Variants in LPGAT1 observed in about 807,000 individuals in gnomAD.
LPGAT1 encodes the protein acyl-CoA:lysophosphatidylglycerol acyltransferase 1.
LPGAT1 carries 11 observed loss-of-function variants against 47.5 expected under a neutral mutation model. That is an observed-to-expected ratio of 0.23 (90% CI 0.15 to 0.38). The LOEUF is 0.38. Ranked by LOEUF, LPGAT1 falls within the 10% of genes least tolerant of loss-of-function variation. LPGAT1 has a pLI of 1.00. For missense variants in LPGAT1, 293 were observed against 439.0 expected (o/e 0.67, Z 2.97); for synonymous variants, 138 against 144.2 (o/e 0.96, Z 0.31).
At chr1:211,755,169 C>G (rs1222251527) in intron 6 of LPGAT1, among the ~76,000 whole-genome samples, 1 of 151,636 alleles carries the variant, frequency 6.6e-6, no homozygotes, top group African/African-American at 2.4e-5. Flanking sequence ...AACCCCGTCT[C>G]TACTAAAAAT....
intron 6 of LPGAT1, among the ~76,000 whole-genome samples, chr1:211,755,842 A>C (rs1411111733): frequency 6.6e-6 from 1 of 152,214 alleles, no homozygotes; most frequent in Non-Finnish European, 1.5e-5. Context: ...CCAAAATACA[A>C]TACTACATTG....
intron 6 of LPGAT1, among the ~76,000 whole-genome samples, chr1:211,768,999 GA>G (rs1396462123): frequency 6.6e-6 from 1 of 152,178 alleles, no homozygotes; most frequent in East Asian, 1.9e-4. Context: ...GTAGAAGGAA[GA>G]GGTCAAATAA....
chr1:211,751,157 A>G (rs1657162428), intron 6 of LPGAT1, 90 bp from the exon 7 acceptor site: 1 of 833,574 alleles, frequency 1.2e-6, no homozygotes, highest in Admixed American at 2.7e-5. Context: ...AAGCTGAATA[A>G]AATTGTGTTG....
At chr1:211,799,685 T>TA (rs1455562671) in intron 2 of LPGAT1, among the ~76,000 whole-genome samples, 5 of 151,918 alleles carry the variant, frequency 3.3e-5, no homozygotes, top group Non-Finnish European at 5.9e-5. Context: ...TAAGGAGGGG[T>TA]AGAGAGGTAT....
intron 6 of LPGAT1, among the ~76,000 whole-genome samples, chr1:211,773,009 T>C (rs1658243664): frequency 6.6e-6 from 1 of 152,242 alleles, no homozygotes; most frequent in Non-Finnish European, 1.5e-5. Context: ...CCCTCATCTC[T>C]TTGACAATAA....
At chr1:211,777,155 C>T (rs1056412568) in intron 6 of LPGAT1, among the ~76,000 whole-genome samples, 4 of 152,068 alleles carry the variant, frequency 2.6e-5, no homozygotes, top group African/African-American at 7.2e-5. Context: ...AAACAATATA[C>T]GAGAAGTCAC....
rs1007924660 is a variant in LPGAT1 at position 211,815,896 on chromosome 1, A to C, written c.238+13163T>G. Among the ~76,000 whole-genome samples, 13 of 147,136 alleles carry C rather than the reference A, an allele frequency of 8.8e-5. No homozygotes were observed. In the Admixed American group the frequency reaches 9.2e-4, roughly 10 times the overall value. ...CATGTTCACGCCATTCTCCTGCCTCAGCCTCCTGAGTAGCTGGGACTACAG... is the reference window on the plus strand; with the variant it reads ...CATGTTCACGCCATTCTCCTGCCTCCGCCTCCTGAGTAGCTGGGACTACAG... On this transcript the variant is annotated intron_variant, in intron 2 of 7. Transcript: ENST00000366997.
intron 2 of LPGAT1, among the ~76,000 whole-genome samples, chr1:211,812,800 A>G (rs1329767920): frequency 1.3e-5 from 2 of 152,328 alleles, no homozygotes; most frequent in Non-Finnish European, 2.9e-5. Context: ...CAAGCCCAGG[A>G]ATGCAGCCCA....
chr1:211,787,131 T>C (rs1333196547), intron 4 of LPGAT1, among the ~76,000 whole-genome samples: 1 of 152,224 alleles, frequency 6.6e-6, no homozygotes, highest in African/African-American at 2.4e-5. Context: ...TTAAGTATTT[T>C]AATACTTATC....
rs951067089 is a variant in LPGAT1 at position 211,745,861 on chromosome 1, T to C, written c.*4038A>G. On this transcript the variant is annotated 3_prime_UTR_variant, in exon 8 of 8. Transcript: ENST00000366997. ...CTGCTGCTTTTGACTTTGTCCTTCATATTAACAGATATAAGGCTCATAGCA... is the reference window on the plus strand; with the variant it reads ...CTGCTGCTTTTGACTTTGTCCTTCACATTAACAGATATAAGGCTCATAGCA... 6.6e-6 allele frequency: 1 copy of C among 152,648 alleles called. No homozygotes were observed. Among genetic ancestry groups the C allele is most frequent in the Non-Finnish European group, 1.5e-5 (1 of 68,052 alleles). 9.5% of individuals were successfully genotyped at this position (152,648 alleles called of 1,614,324 possible).
chr1:211,824,285 A>C (rs1660463758), intron 2 of LPGAT1, among the ~76,000 whole-genome samples: 1 of 152,098 alleles, frequency 6.6e-6, no homozygotes, highest in African/African-American at 2.4e-5. Context: ...AATCCCAGCT[A>C]CTCGGGAGGC....
intron 6 of LPGAT1, among the ~76,000 whole-genome samples, chr1:211,766,403 T>A (rs1657916280): frequency 1.3e-5 from 2 of 152,328 alleles, no homozygotes; most frequent in Non-Finnish European, 2.9e-5. Context: ...TACATTGTGA[T>A]AAACCCATTG....
At chr1:211,790,387 T>C (rs1418047) in intron 3 of LPGAT1, among the ~76,000 whole-genome samples, 148,487 of 152,242 alleles carry the variant, frequency 0.98, 72,427 homozygotes, top group East Asian at 1. Flanking sequence ...GTTATAATTA[T>C]ATTACCATCA....
At chr1:211,770,844 C>A (rs111852465) in intron 6 of LPGAT1, among the ~76,000 whole-genome samples, 3,603 of 152,166 alleles carry the variant, frequency 0.024, 67 homozygotes, top group Non-Finnish European at 0.03. Context: ...CACCTGTAAC[C>A]CTAGCACTTT....
intron 3 of LPGAT1, among the ~76,000 whole-genome samples, chr1:211,792,711 C>CTTTTTT (rs34552405): frequency 7.6e-5 from 8 of 104,590 alleles, no homozygotes; most frequent in Non-Finnish European, 8.9e-5. Flanking sequence ...AATTGATTCC[C>CTTTTTT]TTTTTTTTTT....
intron 5 of LPGAT1, among the ~76,000 whole-genome samples, chr1:211,780,960 CAT>C (rs1424411613): frequency 6.6e-6 from 1 of 152,110 alleles, no homozygotes; most frequent in African/African-American, 2.4e-5. Flanking sequence ...TCTGTTAAAT[CAT>C]GTGATAACAA....
At chr1:211,805,811 T>C (rs1659735837) in intron 2 of LPGAT1, among the ~76,000 whole-genome samples, 1 of 152,116 alleles carries the variant, frequency 6.6e-6, no homozygotes, top group Non-Finnish European at 1.5e-5. Context: ...ATTGCCCAGA[T>C]ACCAAAACCA....
At chr1:211,777,576 CATAG>C (rs144338684) in intron 6 of LPGAT1, among the ~76,000 whole-genome samples, 1,911 of 152,030 alleles carry the variant, frequency 0.013, 22 homozygotes, top group African/African-American at 0.029. Context: ...AAGAAGCTAG[CATAG>C]ATAGTCAATA....
In LPGAT1 at chr1:211,777,913, C is replaced by T. The variant is rs1330142780; in HGVS notation, c.854+1005G>A. ...AATAAAATAGGTTGCAGTAAAGAAA[C>T]CAGCTAAAAACCACCAAAAGCAAGA... is the stretch of plus-strand genomic sequence containing the variant. On this transcript the variant is annotated intron_variant, in intron 6 of 7. Transcript: ENST00000366997. Among the ~76,000 whole-genome samples the T allele has an allele frequency of 2.0e-5, 3 of 152,094 alleles. No homozygotes were observed. In the South Asian group the frequency reaches 6.2e-4, roughly 32 times the overall value.
Sources: gnomAD v4.1 joint callset for allele counts (sites outside exome capture counted in the v4.1 genomes callset) on GRCh38, gnomAD v4.1.1 for gene constraint, MANE v1.5 for transcripts, NCBI Gene and HGNC (gene_info 2026-07-23, HGNC 2026-07-21) for gene names.